VWA5B2: variants seen among roughly 807,000 people sequenced by gnomAD.
The protein encoded by VWA5B2 is von Willebrand factor A domain containing 5B2.
VWA5B2 carries 93 observed loss-of-function variants against 118.5 expected under a neutral mutation model. The observed-to-expected ratio is 0.79, with a 90% confidence interval of 0.66 to 0.93. The LOEUF (loss-of-function observed/expected upper bound fraction) is 0.93, where lower values mean the gene tolerates loss of function less well. Among genes scored for constraint, VWA5B2 ranks in the 40% least tolerant of loss-of-function variants. The pLI, the probability that VWA5B2 is intolerant of heterozygous loss-of-function variation, is 0.00. For missense variants in VWA5B2, 1,546 were observed against 1,672.8 expected (o/e 0.92, Z 1.32); for synonymous variants, 708 against 716.3 (o/e 0.99, Z 0.19).
In VWA5B2 at chr3:184,230,353, A is replaced by T. The variant is rs1457005294; in HGVS notation, c.-149-27A>T. On this transcript the variant is annotated intron_variant, in intron 1 of 19. Transcript: ENST00000691901. Reference sequence around the variant, plus strand: ...TCGCCACCACGCCTGCCGCCCCCTTATCTCCCCCGCCACCTGTCGCCCTCA... The same window carrying T: ...TCGCCACCACGCCTGCCGCCCCCTTTTCTCCCCCGCCACCTGTCGCCCTCA... 6 of 714,046 alleles carry T rather than the reference A, an allele frequency of 8.4e-6. No homozygotes were observed. The African/African-American group carries it at 9.4e-5, about 11-fold the overall frequency. 44.2% of individuals were successfully genotyped at this position (714,046 alleles called of 1,614,324 possible). A position where few individuals can be genotyped will look rare whatever the true frequency, so the allele number is the denominator to read the frequency against.
At position 184,238,365 on chromosome 3, in the gene VWA5B2, G is replaced by C. The variant is rs368687157; in HGVS notation, c.1782G>C (p.Pro594=). ...GSVFPSPEEA[P]SAASPGTEPT... ...TGTTTCCATCCCCAGAAGAGGCCCC[G>C]TCTGCTGCCAGCCCTGGCACTGAGC... The change falls in exon 13 of 20, where the codon CCG becomes CCC. Residue 594 remains proline, a synonymous_variant. Transcript: ENST00000691901. This position sits in a 1 kb window ranked among gnomAD's most constrained non-coding sequence, Gnocchi z 5.0. 6.5e-7 allele frequency: 1 copy of C among 1,550,254 alleles called. No homozygotes were observed. Among genetic ancestry groups the C allele is most frequent in the Non-Finnish European group, 8.7e-7 (1 of 1,146,694 alleles).
rs1164278033 is a variant in VWA5B2, at chr3:184,234,129, A to T, written c.689-137A>T. ...CTTCCCAGCCCATGAAAGCAGGCACATCCTCCCTCGTCCATCTGACCCCAT... is the reference window on the plus strand; with the variant it reads ...CTTCCCAGCCCATGAAAGCAGGCACTTCCTCCCTCGTCCATCTGACCCCAT... On this transcript the variant is annotated intron_variant, in intron 5 of 19. Transcript: ENST00000691901. The T allele has an allele frequency of 4.3e-6, 5 of 1,152,224 alleles. No homozygotes were observed. The South Asian group carries it at 7.8e-5, about 18-fold the overall frequency. The allele number at this position is 1,152,224 out of a possible 1,614,324, so 71.4% of individuals were successfully genotyped here.
At chr3:184,234,499 T>C (rs1717750101) in intron 6 of VWA5B2, 102 bp downstream of exon 6, 3 of 1,528,974 alleles carry the variant, frequency 2.0e-6, no homozygotes, top group Admixed American at 2.0e-5. Context: ...CCAGATGGAC[T>C]GAGTCATCTG....
chr3:184,232,417 T>A (rs886262681), intron 3 of VWA5B2, among the ~76,000 whole-genome samples: 10 of 152,194 alleles, frequency 6.6e-5, no homozygotes, highest in East Asian at 5.8e-4. Flanking sequence ...CTTTCTTTCT[T>A]TCCTTCCATC....
Position 184,242,169 on chromosome 3 carries a change from C to T in VWA5B2, c.*131C>T. The T allele has an allele frequency of 5.0e-6, 6 of 1,207,916 alleles. No individual in the cohort carries two copies. The highest frequency in any genetic ancestry group is 6.9e-6 in the Non-Finnish European group (6 of 873,628). The allele number at this position is 1,207,916 out of a possible 1,614,324, so 74.8% of individuals were successfully genotyped here. A position where few individuals can be genotyped will look rare whatever the true frequency, so the allele number is the denominator to read the frequency against. ...TGTCCCCCACTGCTTCTTACTCCCT[C>T]CCTAGAGCCCTCTTGCCCCCACAAA... On this transcript the variant is annotated 3_prime_UTR_variant, in exon 20 of 20. Coordinates refer to ENST00000691901, the MANE Select transcript of VWA5B2 (RefSeq NM_001390846.1).
rs191950805 is a variant in VWA5B2 at position 184,239,079 on chromosome 3, G to A, written c.2202+206G>A. Among the ~76,000 whole-genome samples, 164 of 152,016 alleles carry A rather than the reference G, an allele frequency of 1.1e-3. No individual in the cohort carries two copies. Among genetic ancestry groups the A allele is most frequent in the African/African-American group, 3.9e-3 (159 of 41,278 alleles). On this transcript the variant is annotated intron_variant, in intron 14 of 19. Transcript: ENST00000691901. This position sits in a 1 kb window ranked among gnomAD's most constrained non-coding sequence, Gnocchi z 5.1. ...AAAGTCAGGGTGACTAATTCTGCCT[G>A]AGAGAGTCAGGAAAGTCAGAGCCAT... is the stretch of plus-strand genomic sequence containing the variant.
In VWA5B2 at chr3:184,239,535, C is replaced by A. The variant is rs759486696; in HGVS notation, c.2344C>A (p.Pro782Thr). The change falls in exon 15 of 20, where the codon CCA becomes ACA. Residue 782 changes from proline (P) to threonine (T), a missense_variant. Around this residue, in one of 3 missense-constraint regions of VWA5B2, gnomAD observed 763 missense variants for 766.6 expected, o/e 1.00. Coordinates refer to ENST00000691901, the MANE Select transcript of VWA5B2 (RefSeq NM_001390846.1). The surrounding 1 kb of genome is among the most constrained non-coding windows in gnomAD (Gnocchi z 5.1). The part of the protein sequence containing the change: ...KPSLGAILDG[P>T]SPEPGQQLGQ... ...CTCTTTGGGTGCAATACTAGATGGC[C>A]CAAGTCCTGAGCCAGGCCAACAGTT... 301 of 1,543,688 alleles carry A rather than the reference C, an allele frequency of 1.9e-4. No individual in the cohort carries two copies. Among genetic ancestry groups the A allele is most frequent in the Non-Finnish European group, 2.5e-4 (291 of 1,141,724 alleles).
At position 184,242,281 on chromosome 3, in the gene VWA5B2, G is replaced by A; in HGVS notation, c.*243G>A. 1 of 741,516 alleles carries A rather than the reference G, an allele frequency of 1.3e-6. No homozygotes were observed. The highest frequency in any genetic ancestry group is 2.7e-5 in the East Asian group (1 of 37,142). The allele number at this position is 741,516 out of a possible 1,614,324, so 45.9% of individuals were successfully genotyped here. A position where few individuals can be genotyped will look rare whatever the true frequency, so the allele number is the denominator to read the frequency against. The stretch of plus-strand genomic sequence containing the variant: ...GAGCTCCCTGCAACACAGTGGAAGG[G>A]TAGAGAGCCACAGTCCCCAAATCCT... On this transcript the variant is annotated 3_prime_UTR_variant, in exon 20 of 20. Coordinates refer to ENST00000691901, the MANE Select transcript of VWA5B2 (RefSeq NM_001390846.1).
Position 184,239,412 on chromosome 3 carries a change from G to A in VWA5B2, c.2221G>A (p.Glu741Lys). The change falls in exon 15 of 20, where the codon GAG (glutamate) becomes AAG (lysine). Residue 741 changes from glutamate to lysine, a missense_variant. By Grantham distance (56) the Glu-to-Lys change is moderately conservative. Coordinates refer to ENST00000691901, the MANE Select transcript of VWA5B2 (RefSeq NM_001390846.1). This position sits in a 1 kb window ranked among gnomAD's most constrained non-coding sequence, Gnocchi z 5.1. ...CATGCAGGTGGGGGCCTTGAGTACT[G>A]AGGTGCTGGGCCGTCAGCACAGAGC... Reference protein sequence around the residue: ...APFKVGALSTEVLGRQHRAAL... With the variant: ...APFKVGALSTKVLGRQHRAAL... 6.5e-7 allele frequency: 1 copy of A among 1,545,124 alleles called. No homozygotes were observed. Among genetic ancestry groups the A allele is most frequent in the Non-Finnish European group, 8.7e-7 (1 of 1,143,062 alleles).
rs1718244897 is a variant in VWA5B2 at position 184,238,612 on chromosome 3, T to C, written c.1941T>C (p.Ser647=). Residue 647 remains serine (S), a synonymous_variant, in exon 14 of 20, where the codon TCT becomes TCC. Transcript: ENST00000691901. The surrounding 1 kb of genome is among the most constrained non-coding windows in gnomAD (Gnocchi z 5.0). ...DPVTDPGPNP[S]DTAIWRRIFQ... is the part of the protein sequence containing the mutation. ...TCACGGATCCTGGACCCAACCCCTC[T>C]GACACAGCCATATGGCGCCGCATCT... 2 of 1,551,706 alleles carry C rather than the reference T, an allele frequency of 1.3e-6. No individual in the cohort carries two copies. Among genetic ancestry groups the C allele is most frequent in the Non-Finnish European group, 1.7e-6 (2 of 1,146,976 alleles).
At position 184,238,042 on chromosome 3, in the gene VWA5B2, C is replaced by T. The variant is rs1366342806; in HGVS notation, c.1720-261C>T. On this transcript the variant is annotated intron_variant, in intron 12 of 19. Coordinates refer to ENST00000691901, the MANE Select transcript of VWA5B2 (RefSeq NM_001390846.1). The surrounding 1 kb of genome is among the most constrained non-coding windows in gnomAD (Gnocchi z 5.0). Reference sequence around the variant, plus strand: ...TTTAGAAGAACTCTGCACGCTTCCTCCTTTTTGATCATGAGAGCTGCATAA... The same window carrying T: ...TTTAGAAGAACTCTGCACGCTTCCTTCTTTTTGATCATGAGAGCTGCATAA... Among the ~76,000 whole-genome samples the T allele has an allele frequency of 1.3e-5, 2 of 152,164 alleles. No individual in the cohort carries two copies. Among genetic ancestry groups the T allele is most frequent in the Non-Finnish European group, 2.9e-5 (2 of 68,026 alleles).
At position 184,230,818 on chromosome 3, in the gene VWA5B2, G is replaced by A; in HGVS notation, c.211G>A (p.Val71Ile). 8.0e-7 allele frequency: 1 copy of A among 1,254,630 alleles called. No homozygotes were observed. 77.7% of individuals were successfully genotyped at this position (1,254,630 alleles called of 1,614,324 possible). ...CGAGGCCGAGGCCGCCGGACGGCGC[G>A]TCTCCTTCCAGCTGCAGAGCCGGCG... ...GFEAEAAGRR[V>I]SFQLQSRRRS... Residue 71 changes from valine (V) to isoleucine (I), a missense_variant, in exon 3 of 20, where the codon GTC becomes ATC. Coordinates refer to ENST00000691901, the MANE Select transcript of VWA5B2 (RefSeq NM_001390846.1).
rs895876269 is a variant in VWA5B2 at position 184,230,612 on chromosome 3, C to T, written c.84C>T (p.Cys28=). ...SWVRACANGP[C]LSVRARLTYR... Reference sequence around the variant, plus strand: ...TCCGGGCCTGCGCCAACGGCCCCTGCCTCAGCGTGCGGGCCCGGCTCACCT... The same window carrying T: ...TCCGGGCCTGCGCCAACGGCCCCTGTCTCAGCGTGCGGGCCCGGCTCACCT... The change falls in exon 2 of 20, where the codon TGC becomes TGT. Residue 28 remains cysteine, a synonymous_variant. Transcript: ENST00000691901. The T allele has an allele frequency of 7.6e-6, 11 of 1,438,370 alleles. No individual in the cohort carries two copies. In the East Asian group the frequency reaches 3.4e-4, roughly 44 times the overall value. The allele number at this position is 1,438,370 out of a possible 1,614,324, so 89.1% of individuals were successfully genotyped here. A position where few individuals can be genotyped will look rare whatever the true frequency, so the allele number is the denominator to read the frequency against.
rs1717850864 is a variant in VWA5B2, at chr3:184,235,269, G to A, written c.1062G>A (p.Glu354=). Residue 354 remains glutamate (E), a synonymous_variant, in exon 8 of 20, where the codon GAG becomes GAA. Transcript: ENST00000691901. ...GACACCTGGGGACAGCTACTCGGGA[G>A]CTACTCTTCCTTTTGGATAGCAGCA... ...KPGHLGTATR[E]LLFLLDSSSV... 2 of 1,551,590 alleles carry A rather than the reference G, an allele frequency of 1.3e-6. No individual in the cohort carries two copies. The highest frequency in any genetic ancestry group is 8.7e-7 in the Non-Finnish European group (1 of 1,146,942).
chr3:184,233,766 A>G lies in VWA5B2; in HGVS notation c.688+33A>G, dbSNP rs551876632. 170 of 1,546,710 alleles carry G rather than the reference A, an allele frequency of 1.1e-4. 1 individual carries two copies. The African/African-American group carries it at 1.9e-3, about 18-fold the overall frequency. ...CATCTGGCTGGCCTGCCCTCTTTTCAGATGCCCACTCCACCCAGTGTAGTG... is the reference window on the plus strand; with the variant it reads ...CATCTGGCTGGCCTGCCCTCTTTTCGGATGCCCACTCCACCCAGTGTAGTG... On this transcript the variant is annotated intron_variant, in intron 5 of 19. Transcript: ENST00000691901. This position sits in a 1 kb window ranked among gnomAD's most constrained non-coding sequence, Gnocchi z 5.2.
At chr3:184,240,736 C>T in intron 16 of VWA5B2, 55 bp from the exon 17 acceptor site, 1 of 1,533,698 alleles carries the variant, frequency 6.5e-7, no homozygotes, top group Non-Finnish European at 8.8e-7. Flanking sequence ...TTTCTATGAG[C>T]CCTCTGTAGA....
Position 184,241,787 on chromosome 3 carries a change from A to C in VWA5B2, c.3478A>C (p.Thr1160Pro), listed in dbSNP as rs2108437060. 4 of 1,494,514 alleles carry C rather than the reference A, an allele frequency of 2.7e-6. No individual in the cohort carries two copies. The highest frequency in any genetic ancestry group is 1.8e-4 in the Middle Eastern group (1 of 5,620). 92.6% of individuals were successfully genotyped at this position (1,494,514 alleles called of 1,614,324 possible). The change falls in exon 20 of 20, where the codon ACC becomes CCC. Residue 1160 changes from threonine to proline, a missense_variant. Thr to Pro is a conservative substitution (Grantham distance 38). Around this residue, in one of 3 missense-constraint regions of VWA5B2, gnomAD observed 763 missense variants for 766.6 expected, o/e 1.00. Coordinates refer to ENST00000691901, the MANE Select transcript of VWA5B2 (RefSeq NM_001390846.1). The surrounding 1 kb of genome is among the most constrained non-coding windows in gnomAD (Gnocchi z 5.1). ...CGAGGGGGCGGAAGGGCTGGGCGGC[A>C]CCGACCTGCGGGGCCGGACCTGGGC... ...ASEGAEGLGG[T>P]DLRGRTWATA...
rs1239519403 is a variant in VWA5B2 at position 184,237,136 on chromosome 3, T to C, written c.1534-90T>C. The stretch of plus-strand genomic sequence containing the variant: ...CCCATCAGCTTAGGGGCTGGGCAGA[T>C]GGCATCAGGGGAAGGGCAGCCTTCC... On this transcript the variant is annotated intron_variant, in intron 11 of 19. Transcript: ENST00000691901. The surrounding 1 kb of genome is among the most constrained non-coding windows in gnomAD (Gnocchi z 5.6). The C allele has an allele frequency of 1.3e-5, 19 of 1,409,828 alleles. No homozygotes were observed. The Admixed American group carries it at 3.7e-4, about 28-fold the overall frequency. 87.3% of individuals were successfully genotyped at this position (1,409,828 alleles called of 1,614,324 possible).
chr3:184,237,332 C>T lies in VWA5B2; in HGVS notation c.1640C>T (p.Pro547Leu), dbSNP rs1330729508. Reference sequence around the variant, plus strand: ...GCACTGCTGACCCCCCGGGAGATCCCAGCACTCTACCCTGGGGACCAGCTG... The same window carrying T: ...GCACTGCTGACCCCCCGGGAGATCCTAGCACTCTACCCTGGGGACCAGCTG... ...VEALLTPREIPALYPGDQLLG... is the reference protein window; with the variant it reads ...VEALLTPREILALYPGDQLLG... The change falls in exon 12 of 20, where the codon CCA becomes CTA. Residue 547 changes from proline to leucine, a missense_variant. Coordinates refer to ENST00000691901, the MANE Select transcript of VWA5B2 (RefSeq NM_001390846.1). This position sits in a 1 kb window ranked among gnomAD's most constrained non-coding sequence, Gnocchi z 5.6. 4.5e-6 allele frequency: 7 copies of T among 1,551,306 alleles called. No individual in the cohort carries two copies. The highest frequency in any genetic ancestry group is 3.6e-5 in the South Asian group (3 of 84,058).
Sources: allele counts gnomAD v4.1 joint callset (sites outside exome capture counted in the v4.1 genomes callset), GRCh38; gene constraint gnomAD v4.1.1; regional missense constraint gnomAD v4.1.1; non-coding constraint Gnocchi (gnomAD v3.1); transcripts MANE v1.5; gene names NCBI Gene and HGNC (gene_info 2026-07-23, HGNC 2026-07-21).